The following HERC1 variants were observed in gnomAD, a reference collection of about 807,000 sequenced individuals.
HERC1 encodes the protein HECT and RLD domain containing E3 ubiquitin protein ligase family member 1, also known as probable E3 ubiquitin-protein ligase HERC1.
Under a neutral mutation model 554.3 loss-of-function variants are expected in HERC1, and 160 were observed. The observed-to-expected ratio is 0.29, with a 90% CI of 0.25 to 0.33. The LOEUF (loss-of-function observed/expected upper bound fraction) is 0.33, where lower values mean the gene tolerates loss of function less well. Ranked by LOEUF, HERC1 falls within the 10% of genes least tolerant of loss-of-function variation. HERC1 has a pLI of 1.00. For missense variants in HERC1, 4,919 were observed against 5,918.5 expected, an observed-to-expected ratio of 0.83 and a Z score of 5.54; for synonymous variants, 2,175 against 2,131.7, an observed-to-expected ratio of 1.02 and a Z score of -0.56.
chr15:63,637,010 C>T, intron 64 of HERC1: 1 of 401,926 alleles, frequency 2.5e-6, no homozygotes, highest in Non-Finnish European at 4.9e-6. Context: ...TCGGTGCTCT[C>T]TTTGTAGGCT....
At chr15:63,814,233 G>T (rs886227175) in intron 1 of HERC1, among the ~76,000 whole-genome samples, 1 of 152,060 alleles carries the variant, frequency 6.6e-6, no homozygotes, top group African/African-American at 2.4e-5. Context: ...ATTACAGATG[G>T]TTTTCACCTT....
In HERC1 at chr15:63,755,348, C is replaced by T. The variant is rs373401846; in HGVS notation, c.1534-23G>A. 82 of 1,528,482 alleles carry T rather than the reference C, an allele frequency of 5.4e-5. No homozygotes were observed. In the Middle Eastern group the frequency reaches 8.5e-4, roughly 16 times the overall value. 94.7% of individuals were successfully genotyped at this position (1,528,482 alleles called of 1,614,324 possible). A position where few individuals can be genotyped will look rare whatever the true frequency, so the allele number is the denominator to read the frequency against. On this transcript the variant is annotated intron_variant, in intron 5 of 77. Coordinates refer to ENST00000443617, the MANE Select transcript of HERC1 (RefSeq NM_003922.4). ...TACCTGCATTGCACACAAGTAAATA[C>T]GATGAGTATGCACATGTTAAAACAT...
At position 63,733,122 on chromosome 15, in the gene HERC1, C is replaced by T. The variant is rs1165216336; in HGVS notation, c.2670G>A (p.Leu890=). The change falls in exon 14 of 78, where the codon CTG becomes CTA. Residue 890 remains leucine, a synonymous_variant. Transcript: ENST00000443617. ...KGQRMQLDII[L]TSLQDHTHVA... is the part of the protein sequence containing the mutation. Reference sequence around the variant, plus strand: ...CGTGGGTATGATCTTGCAAACTTGTCAGGATGATATCCAGTTGCATTCTCT... The same window carrying T: ...CGTGGGTATGATCTTGCAAACTTGTTAGGATGATATCCAGTTGCATTCTCT... 2 of 1,613,230 alleles carry T rather than the reference C, an allele frequency of 1.2e-6. No individual in the cohort carries two copies.
At chr15:63,683,151 A>G (rs1043646279) in intron 34 of HERC1, among the ~76,000 whole-genome samples, 60 of 151,798 alleles carry the variant, frequency 4.0e-4, no homozygotes, top group East Asian at 9.6e-4. Context: ...AAAAAAAAAA[A>G]AAAGAAAGAA....
At chr15:63,637,798 AACT>A in intron 63 of HERC1, among the ~76,000 whole-genome samples, 155 bp from the exon 64 acceptor site, 1 of 48,742 alleles carries the variant, frequency 2.1e-5, no homozygotes. Context: ...GCAGTCCCGT[AACT>A]CCTTGATGAC....
rs2076084764 is a variant in HERC1 at position 63,775,406 on chromosome 15, T to A, written c.218A>T (p.Asp73Val). 6.2e-7 allele frequency: 1 copy of A among 1,614,044 alleles called. No homozygotes were observed. The highest frequency in any genetic ancestry group is 8.5e-7 in the Non-Finnish European group (1 of 1,179,866). The change falls in exon 2 of 78, where the codon GAT becomes GTT. Residue 73 changes from aspartate to valine, a missense_variant. Transcript: ENST00000443617. This position sits in a 1 kb window ranked among gnomAD's most constrained non-coding sequence, Gnocchi z 4.0. ...PDFERESLSS[D>V]EQDHYLDALL... ...GGCATCCAAATAGTGGTCCTGCTCA[T>A]CACTTGAAAGAGACTCACGTTCAAA...
chr15:63,620,516 G>C (rs1203792642), intron 74 of HERC1, among the ~76,000 whole-genome samples: 1 of 152,130 alleles, frequency 6.6e-6, no homozygotes, highest in Non-Finnish European at 1.5e-5. Context: ...AGGTCTGCTT[G>C]GTGCAGAGCT....
intron 1 of HERC1, among the ~76,000 whole-genome samples, chr15:63,812,394 A>G (rs1267541116): frequency 6.6e-6 from 1 of 152,250 alleles, no homozygotes; most frequent in East Asian, 1.9e-4. Flanking sequence ...GGGAAAATCT[A>G]AAAGGCCAAA....
rs373201199 is a variant in HERC1 at position 63,656,206 on chromosome 15, C to T, written c.9752G>A (p.Gly3251Asp). The T allele has an allele frequency of 1.4e-5, 23 of 1,612,980 alleles. No homozygotes were observed. The highest frequency in any genetic ancestry group is 5.0e-5 in the Admixed American group (3 of 59,854). Residue 3251 changes from glycine (G) to aspartate (D), a missense_variant, in exon 49 of 78, where the codon GGT becomes GAT. Physicochemically the swap from Gly to Asp is moderately conservative, Grantham distance 94. Around this residue, in one of 11 missense-constraint regions of HERC1, gnomAD observed 1,963 missense variants for 2,228.6 expected, o/e 0.88. Coordinates refer to ENST00000443617, the MANE Select transcript of HERC1 (RefSeq NM_003922.4). ...AGGCTTGTTAGCCTTGCTATGCCCACCTCGTGATCGTTCTGAGGTGCTAGC... is the reference window on the plus strand; with the variant it reads ...AGGCTTGTTAGCCTTGCTATGCCCATCTCGTGATCGTTCTGAGGTGCTAGC... ...AMASTSERSR[G>D]GHSKANKPIS...
Position 63,678,351 on chromosome 15 carries a change from A to G in HERC1, c.6564T>C (p.Asp2188=), listed in dbSNP as rs201044362. Reference sequence around the variant, plus strand: ...CTCGGGGTGTGCCACGCATCTGCATATCACAAATTTTCACCTATATAAAAG... The same window carrying G: ...CTCGGGGTGTGCCACGCATCTGCATGTCACAAATTTTCACCTATATAAAAG... ...SNPGEKVKIC[D]MQMRGTPRDL... is the part of the protein sequence containing the mutation. The change falls in exon 37 of 78, where the codon GAT becomes GAC. Residue 2188 remains aspartate (D), a synonymous_variant. Transcript: ENST00000443617. 209 of 1,594,370 alleles carry G rather than the reference A, an allele frequency of 1.3e-4. No individual in the cohort carries two copies. The Middle Eastern group carries it at 1.8e-3, about 14-fold the overall frequency.
Position 63,675,307 on chromosome 15 carries a change from A to G in HERC1, c.7071-190T>C, listed in dbSNP as rs17772465. 0.18 allele frequency: 86,452 copies of G among 486,276 alleles called. 8,775 individuals carry two copies. Among genetic ancestry groups the G allele is most frequent in the Non-Finnish European group, 0.2 (55,401 of 278,936 alleles). 30.1% of individuals were successfully genotyped at this position (486,276 alleles called of 1,614,324 possible). A position where few individuals can be genotyped will look rare whatever the true frequency, so the allele number is the denominator to read the frequency against. On this transcript the variant is annotated intron_variant, in intron 37 of 77. Transcript: ENST00000443617. The stretch of plus-strand genomic sequence containing the variant: ...TTATGAGAAAATGGGGAGATGTGAT[A>G]CTAAATGCAGAAGCAATGAGATGCT...
intron 64 of HERC1, among the ~76,000 whole-genome samples, chr15:63,636,438 T>A (rs1319121413): frequency 6.6e-6 from 1 of 151,842 alleles, no homozygotes; most frequent in African/African-American, 2.4e-5. Context: ...ATCTGGCTAA[T>A]TTTTGTATTT....
In HERC1 at chr15:63,727,582, T is replaced by C. The variant is rs962806974; in HGVS notation, c.3346+65A>G. 25 of 1,131,394 alleles carry C rather than the reference T, an allele frequency of 2.2e-5. No homozygotes were observed. In the African/African-American group the frequency reaches 2.9e-4, roughly 13 times the overall value. 70.1% of individuals were successfully genotyped at this position (1,131,394 alleles called of 1,614,324 possible). A position where few individuals can be genotyped will look rare whatever the true frequency, so the allele number is the denominator to read the frequency against. ...GATAGACTCCAATGGAAAAACACAG[T>C]GATGTGTGCAAGAGGAACAACTTTT... is the stretch of plus-strand genomic sequence containing the variant. On this transcript the variant is annotated intron_variant, in intron 17 of 77. Transcript: ENST00000443617. The surrounding 1 kb of genome is among the most constrained non-coding windows in gnomAD (Gnocchi z 4.3).
At position 63,669,543 on chromosome 15, in the gene HERC1, C is replaced by T; in HGVS notation, c.8201G>A (p.Arg2734His). The stretch of plus-strand genomic sequence containing the variant: ...GTGCATATCAGCACACGCACCTGTG[C>T]GGTTAGCTGGCCTTGCTGACTGGGA... The part of the protein sequence containing the change: ...PDSQSARPAN[R>H]TALSDPSSRL... The change falls in exon 40 of 78, where the codon CGC (arginine) becomes CAC (histidine). Residue 2734 changes from arginine (R) to histidine (H), a missense_variant. This residue lies in a region of HERC1 where 1,963 missense variants were observed against 2,228.6 expected (regional missense o/e 0.88). Transcript: ENST00000443617. 3.1e-6 allele frequency: 5 copies of T among 1,613,640 alleles called. No homozygotes were observed. Among genetic ancestry groups the T allele is most frequent in the Non-Finnish European group, 4.2e-6 (5 of 1,179,604 alleles).
intron 31 of HERC1, among the ~76,000 whole-genome samples, chr15:63,691,216 AG>A (rs1410309569): frequency 1.3e-5 from 2 of 152,264 alleles, no homozygotes; most frequent in African/African-American, 2.4e-5. Flanking sequence ...CTGTAATCCC[AG>A]CACTTTGGGA....
intron 18 of HERC1, among the ~76,000 whole-genome samples, chr15:63,724,802 A>G (rs1394011058): frequency 6.6e-6 from 1 of 152,188 alleles, no homozygotes; most frequent in Non-Finnish European, 1.5e-5. Flanking sequence ...GAGATGCTGC[A>G]GAAGGGAAAT....
chr15:63,782,717 T>C (rs1004278250), intron 1 of HERC1, among the ~76,000 whole-genome samples: 4 of 152,208 alleles, frequency 2.6e-5, no homozygotes, highest in Non-Finnish European at 5.9e-5. Context: ...CTGGGTAAAG[T>C]CAATAGAAAA....
chr15:63,649,791 G>C lies in HERC1; in HGVS notation c.10681C>G (p.Leu3561Val), dbSNP rs765765526. 2 of 1,613,630 alleles carry C rather than the reference G, an allele frequency of 1.2e-6. No individual in the cohort carries two copies. Among genetic ancestry groups the C allele is most frequent in the Non-Finnish European group, 1.7e-6 (2 of 1,179,794 alleles). The change falls in exon 54 of 78, where the codon CTG (leucine) becomes GTG (valine). Residue 3561 changes from leucine to valine, a missense_variant. By Grantham distance (32) the Leu-to-Val change is conservative (BLOSUM62 1). This residue lies in a region of HERC1 where 1,963 missense variants were observed against 2,228.6 expected (regional missense o/e 0.88). Coordinates refer to ENST00000443617, the MANE Select transcript of HERC1 (RefSeq NM_003922.4). Reference sequence around the variant, plus strand: ...GTGGACACATCAACAACTTCAATCAGTCCCAGAGATCCATCCATCCGTCCC... The same window carrying C: ...GTGGACACATCAACAACTTCAATCACTCCCAGAGATCCATCCATCCGTCCC... ...LVGRMDGSLG[L>V]IEVVDVSTMH...
intron 7 of HERC1, 52 bp from the exon 8 acceptor site, chr15:63,753,137 CT>C: frequency 7.4e-7 from 1 of 1,358,746 alleles, no homozygotes; most frequent in Non-Finnish European, 9.9e-7. Context: ...AACCTCTACT[CT>C]TTTTAACACT....
Sources: allele counts gnomAD v4.1 joint callset (sites outside exome capture counted in the v4.1 genomes callset), GRCh38; gene constraint gnomAD v4.1.1; regional missense constraint gnomAD v4.1.1; non-coding constraint Gnocchi (gnomAD v3.1); transcripts MANE v1.5; gene names NCBI Gene and HGNC (gene_info 2026-07-23, HGNC 2026-07-21).